Variants in PCDH9 observed in about 807,000 individuals in gnomAD.
PCDH9 encodes the protein protocadherin 9.
A neutral mutation model predicts 70.6 loss-of-function variants in PCDH9; 24 were observed. That is an observed-to-expected ratio of 0.34 (90% confidence interval 0.25 to 0.48). The LOEUF is 0.48. Ranked by LOEUF, PCDH9 falls within the 20% of genes least tolerant of loss-of-function variation. The probability of loss-of-function intolerance (pLI) is 0.99; values close to 1 mark genes in which losing one functional copy is unlikely to be tolerated. For missense variants in PCDH9, 1,281 were observed against 1,503.6 expected (o/e 0.85, Z 2.45); for synonymous variants, 562 against 558.5 (o/e 1.01, Z -0.09).
chr13:67,167,680 A>G (rs2088159974), intron 2 of PCDH9, among the ~76,000 whole-genome samples: 1 of 152,166 alleles, frequency 6.6e-6, no homozygotes, highest in Admixed American at 6.5e-5. Context: ...TCCAGATTGA[A>G]TTTACTTTCA....
intron 3 of PCDH9, among the ~76,000 whole-genome samples, chr13:66,666,265 G>T (rs2078095522): frequency 6.6e-6 from 1 of 152,122 alleles, no homozygotes; most frequent in South Asian, 2.1e-4. Context: ...ACCAGACTAG[G>T]TGGAGGCCCT....
intron 4 of PCDH9, among the ~76,000 whole-genome samples, chr13:66,325,044 T>C (rs936460749): frequency 6.6e-6 from 1 of 151,958 alleles, no homozygotes; most frequent in African/African-American, 2.4e-5. Flanking sequence ...GTACCCACTA[T>C]AACTCATGAG....
intron 3 of PCDH9, among the ~76,000 whole-genome samples, chr13:66,895,759 C>T (rs1271235185): frequency 6.6e-6 from 1 of 152,206 alleles, no homozygotes; most frequent in Non-Finnish European, 1.5e-5. Flanking sequence ...ACTCATCCAA[C>T]AGATATTGAT....
At chr13:66,433,153 C>T (rs1025028816) in intron 4 of PCDH9, among the ~76,000 whole-genome samples, 2 of 151,942 alleles carry the variant, frequency 1.3e-5, no homozygotes, top group Admixed American at 6.6e-5. Flanking sequence ...TTAATCAACA[C>T]ACTTATTAAA....
At chr13:66,325,375 C>T (rs1346466681) in intron 4 of PCDH9, among the ~76,000 whole-genome samples, 1 of 152,002 alleles carries the variant, frequency 6.6e-6, no homozygotes, top group Non-Finnish European at 1.5e-5. Context: ...AAAAGGCATT[C>T]ATGATGTCTC....
chr13:66,657,781 T>A (rs2077952645), intron 3 of PCDH9, among the ~76,000 whole-genome samples: 1 of 152,178 alleles, frequency 6.6e-6, no homozygotes, highest in South Asian at 2.1e-4. Flanking sequence ...GCATCACCAC[T>A]TACAAGGATT....
chr13:67,145,840 T>G (rs1051646285), intron 2 of PCDH9, among the ~76,000 whole-genome samples: 2 of 152,034 alleles, frequency 1.3e-5, no homozygotes, highest in African/African-American at 4.8e-5. Flanking sequence ...TTCAATGACT[T>G]TCTTCAAACT....
intron 2 of PCDH9, among the ~76,000 whole-genome samples, chr13:67,166,777 G>A (rs2088129069): frequency 6.6e-6 from 1 of 152,122 alleles, no homozygotes; most frequent in South Asian, 2.1e-4. Context: ...TACCATGAGT[G>A]TGTGGCTACC....
In PCDH9 at chr13:66,488,142, T is replaced by C. The variant is rs146848111; in HGVS notation, c.3340+143068A>G. On this transcript the variant is annotated intron_variant, in intron 4 of 4. Transcript: ENST00000377865. ...GAAAATTTGTGCTGTAACAAATTTA[T>C]GCCGACACTATACAACCCCAACAAC... Among the ~76,000 whole-genome samples the C allele has an allele frequency of 7.3e-3, 1,116 of 152,284 alleles. 11 individuals are homozygous for C. Among genetic ancestry groups the C allele is most frequent in the African/African-American group, 0.026 (1,086 of 41,550 alleles).
At chr13:66,926,371 C>A (rs2082718335) in intron 2 of PCDH9, among the ~76,000 whole-genome samples, 2 of 151,942 alleles carry the variant, frequency 1.3e-5, no homozygotes, top group Non-Finnish European at 1.5e-5. Context: ...ACACACACAC[C>A]CTATTGATGC....
intron 3 of PCDH9, among the ~76,000 whole-genome samples, chr13:66,701,642 A>G (rs1471059918): frequency 6.6e-6 from 1 of 151,890 alleles, no homozygotes; most frequent in Non-Finnish European, 1.5e-5. Flanking sequence ...TTCATCAACA[A>G]CTGAATCTGC....
chr13:66,358,873 A>T (rs1048339022), intron 4 of PCDH9, among the ~76,000 whole-genome samples: 8 of 151,940 alleles, frequency 5.3e-5, no homozygotes, highest in African/African-American at 1.9e-4. Context: ...ATTCAGTTTC[A>T]TTTTAAATGC....
chr13:66,869,444 A>T (rs2081632932), intron 3 of PCDH9, among the ~76,000 whole-genome samples: 1 of 152,108 alleles, frequency 6.6e-6, no homozygotes, highest in South Asian at 2.1e-4. Flanking sequence ...GGTCAAAAAA[A>T]TTTCCTAAGG....
At chr13:66,890,565 T>G (rs1342506685) in intron 3 of PCDH9, among the ~76,000 whole-genome samples, 2 of 151,736 alleles carry the variant, frequency 1.3e-5, no homozygotes, top group African/African-American at 4.8e-5. Context: ...ATGAGGATGG[T>G]CTTTCTCAAG....
At chr13:66,791,621 T>A (rs1214678446) in intron 3 of PCDH9, among the ~76,000 whole-genome samples, 1 of 152,152 alleles carries the variant, frequency 6.6e-6, no homozygotes, top group African/African-American at 2.4e-5. Flanking sequence ...TAATAATGTA[T>A]TACATACATG....
At chr13:66,701,394 T>C (rs1185318778) in intron 3 of PCDH9, among the ~76,000 whole-genome samples, 3 of 152,160 alleles carry the variant, frequency 2.0e-5, no homozygotes, top group African/African-American at 7.2e-5. Context: ...TATATATACA[T>C]ATATGTGTGT....
At chr13:66,691,890 T>C (rs1182933366) in intron 3 of PCDH9, among the ~76,000 whole-genome samples, 2 of 152,198 alleles carry the variant, frequency 1.3e-5, no homozygotes, top group African/African-American at 2.4e-5. Flanking sequence ...TTATTATATA[T>C]TGGAGTCCTT....
intron 3 of PCDH9, among the ~76,000 whole-genome samples, chr13:66,736,157 G>A (rs2079145492): frequency 6.6e-6 from 1 of 151,714 alleles, no homozygotes; most frequent in Admixed American, 6.6e-5. Context: ...ATTTTCTTAT[G>A]CCTGAACTTT....
At chr13:67,224,658 CTAAGA>C (rs772301955) in intron 2 of PCDH9, 15 of 249,626 alleles carry the variant, frequency 6.0e-5, no homozygotes, top group Non-Finnish European at 7.0e-5. Context: ...TTATGCATTA[CTAAGA>C]TGAGAGAATA....
Sources: gnomAD v4.1 joint callset for allele counts (sites outside exome capture counted in the v4.1 genomes callset) on GRCh38, gnomAD v4.1.1 for gene constraint, MANE v1.5 for transcripts, NCBI Gene and HGNC (gene_info 2026-07-23, HGNC 2026-07-21) for gene names.